The following CSMD1 variants were observed in gnomAD, a reference collection of about 807,000 sequenced individuals.
The protein encoded by CSMD1 is CUB and sushi domain-containing protein 1.
A neutral mutation model predicts 417.5 loss-of-function variants in CSMD1; 213 were observed. That is an observed-to-expected ratio of 0.51 (90% CI 0.46 to 0.57). The LOEUF (loss-of-function observed/expected upper bound fraction) is 0.57. Among genes scored for constraint, CSMD1 ranks in the 20% least tolerant of loss-of-function variants. The pLI, the probability that CSMD1 is intolerant of heterozygous loss-of-function variation, is 0.00. For missense variants in CSMD1, 6,923 were observed against 4,529.7 expected (o/e 1.53, Z -15.17); for synonymous variants, 2,862 against 1,736.8 (o/e 1.65, Z -16.11).
intron 6 of CSMD1, among the ~76,000 whole-genome samples, chr8:3,750,486 A>G (rs571012182): frequency 2.6e-5 from 4 of 152,106 alleles, no homozygotes; most frequent in Admixed American, 2.0e-4. Context: ...TAGTCCCCAA[A>G]TATCAATCGA....
chr8:4,377,484 A>C (rs528456903), intron 3 of CSMD1, among the ~76,000 whole-genome samples: 1 of 152,228 alleles, frequency 6.6e-6, no homozygotes, highest in African/African-American at 2.4e-5. Flanking sequence ...CAATTTGACT[A>C]TATTTTAAAG....
intron 3 of CSMD1, among the ~76,000 whole-genome samples, chr8:4,169,381 CA>C (rs376394656): frequency 1.3e-5 from 2 of 152,094 alleles, no homozygotes; most frequent in East Asian, 1.9e-4. Flanking sequence ...TTCCTCAGGC[CA>C]AAAAACATGA....
intron 3 of CSMD1, among the ~76,000 whole-genome samples, chr8:4,253,215 G>C (rs1333546401): frequency 1.3e-5 from 2 of 152,136 alleles, no homozygotes; most frequent in Admixed American, 6.5e-5. Context: ...CCCATTCCTA[G>C]TTATCATTCA....
At chr8:2,963,190 G>C in intron 60 of CSMD1, 32 bp downstream of exon 60, 3 of 1,610,528 alleles carry the variant, frequency 1.9e-6, no homozygotes, top group South Asian at 2.2e-5. Context: ...CAGACCTGCA[G>C]TGGGCGGAAC....
rs949581193 is a variant in CSMD1 at position 4,831,067 on chromosome 8, G to A, written c.85+163265C>T. ...CCCTTTACTTCAACTCCAACCATGC[G>A]AACTCAAAGTGGGAGGGATGTTTTT... is the stretch of plus-strand genomic sequence containing the variant. On this transcript the variant is annotated intron_variant, in intron 1 of 69. Transcript: ENST00000635120. Among the ~76,000 whole-genome samples, 10 of 152,244 alleles carry A rather than the reference G, an allele frequency of 6.6e-5. No individual in the cohort carries two copies. In the East Asian group the frequency reaches 1.7e-3, roughly 26 times the overall value.
intron 5 of CSMD1, among the ~76,000 whole-genome samples, chr8:3,979,365 C>CT (rs1813683240): frequency 6.6e-6 from 1 of 152,134 alleles, no homozygotes; most frequent in African/African-American, 2.4e-5. Context: ...GAGAGAATGA[C>CT]TAAGGACAGC....
intron 5 of CSMD1, among the ~76,000 whole-genome samples, chr8:3,765,892 G>C (rs1584963544): frequency 6.6e-6 from 1 of 152,244 alleles, no homozygotes. Flanking sequence ...GATAGGGTAT[G>C]AGAGTCCATC....
Position 4,474,578 on chromosome 8 carries a change from C to T in CSMD1, c.303-54513G>A, listed in dbSNP as rs1257011033. On this transcript the variant is annotated intron_variant, in intron 2 of 69. Transcript: ENST00000635120. The stretch of plus-strand genomic sequence containing the variant: ...TTGAGAGTGAGAGCTCTAAAGAGAA[C>T]CTTTAGGCGGTGTTTCTGTGTGAGC... 2.6e-5 allele frequency among the ~76,000 whole-genome samples: 4 copies of T among 152,158 alleles called. No homozygotes were observed. The East Asian group carries it at 7.7e-4, about 29-fold the overall frequency.
chr8:3,765,396 T>C lies in CSMD1; in HGVS notation c.819-11354A>G, dbSNP rs552044583. Among the ~76,000 whole-genome samples, 5 of 152,268 alleles carry C rather than the reference T, an allele frequency of 3.3e-5. No homozygotes were observed. In the South Asian group the frequency reaches 1.0e-3, roughly 32 times the overall value. ...TTTAATAGACTTAACCACTCCTACC[T>C]TTACAGCATTTGTTTCATAGGCTTC... On this transcript the variant is annotated intron_variant, in intron 5 of 69. Transcript: ENST00000635120.
rs1801471367 is a variant in CSMD1, at chr8:3,817,759, G to T, written c.819-63717C>A. 2.6e-5 allele frequency among the ~76,000 whole-genome samples: 4 copies of T among 152,218 alleles called. No homozygotes were observed. The South Asian group carries it at 8.3e-4, about 32-fold the overall frequency. ...AGGAGAAATAACTTCCAGAAACAGA[G>T]GTCTTCCAAAAGCCCCAATGCAGAC... On this transcript the variant is annotated intron_variant, in intron 5 of 69. Transcript: ENST00000635120.
In CSMD1 at chr8:2,963,414, C is replaced by A; in HGVS notation, c.9281-19G>T. On this transcript the variant is annotated intron_variant, in intron 59 of 69. Transcript: ENST00000635120. ...AGCACGGCTATTTCCAAAGAACAAA[C>A]AAGATCAACATTCCGGAGCTCCCGC... 1 of 1,608,834 alleles carries A rather than the reference C, an allele frequency of 6.2e-7. No homozygotes were observed. Among genetic ancestry groups the A allele is most frequent in the African/African-American group, 1.3e-5 (1 of 74,956 alleles).
At chr8:4,128,491 C>CA (rs1292309054) in intron 3 of CSMD1, among the ~76,000 whole-genome samples, 4 of 150,086 alleles carry the variant, frequency 2.7e-5, no homozygotes, top group South Asian at 2.1e-4. Context: ...AAATTTAAAA[C>CA]AACCAAACAA....
At chr8:3,792,772 GCTCT>G (rs1025761820) in intron 5 of CSMD1, among the ~76,000 whole-genome samples, 3 of 152,130 alleles carry the variant, frequency 2.0e-5, no homozygotes, top group Admixed American at 1.3e-4. Context: ...GCCTTTTCAT[GCTCT>G]CTCTCACAAT....
intron 1 of CSMD1, among the ~76,000 whole-genome samples, chr8:4,804,817 T>G (rs1324447817): frequency 2.0e-5 from 3 of 152,208 alleles, no homozygotes; most frequent in Non-Finnish European, 4.4e-5. Context: ...AATACAGATA[T>G]GATTACTGAT....
chr8:4,363,216 A>G (rs1188878636), intron 3 of CSMD1, among the ~76,000 whole-genome samples: 1 of 152,196 alleles, frequency 6.6e-6, no homozygotes, highest in Non-Finnish European at 1.5e-5. Context: ...TGGATCTTCC[A>G]TGATGACCAA....
intron 2 of CSMD1, among the ~76,000 whole-genome samples, chr8:4,588,493 T>C (rs1233870042): frequency 6.6e-6 from 1 of 151,888 alleles, no homozygotes; most frequent in African/African-American, 2.4e-5. Flanking sequence ...TTTTCTTTCC[T>C]GTTTAAGAAA....
intron 2 of CSMD1, among the ~76,000 whole-genome samples, chr8:4,609,326 G>C (rs186324777): frequency 7.1e-4 from 108 of 152,274 alleles, no homozygotes; most frequent in Non-Finnish European, 1.4e-3. Flanking sequence ...GCTGGAGCCT[G>C]GGAGGCAGAG....
chr8:3,921,453 C>A (rs978892828), intron 5 of CSMD1, among the ~76,000 whole-genome samples: 16 of 151,644 alleles, frequency 1.1e-4, no homozygotes, highest in Non-Finnish European at 8.8e-5. Context: ...TTGGTTTGTT[C>A]TTTTCCTAGT....
At chr8:4,818,405 A>G (rs775992091) in intron 1 of CSMD1, among the ~76,000 whole-genome samples, 40 of 152,188 alleles carry the variant, frequency 2.6e-4, no homozygotes, top group Admixed American at 5.9e-4. Flanking sequence ...ACAATATAAC[A>G]TCGTTTTCTT....
Sources: gnomAD v4.1 joint callset for allele counts (sites outside exome capture counted in the v4.1 genomes callset) on GRCh38, gnomAD v4.1.1 for gene constraint, MANE v1.5 for transcripts, NCBI Gene and HGNC (gene_info 2026-07-23, HGNC 2026-07-21) for gene names.